JADE3: variants seen among roughly 807,000 people sequenced by gnomAD.
JADE3 encodes the protein jade family PHD finger 3.
In JADE3, 2 loss-of-function variants were observed where a neutral mutation model predicts 50.1. The ratio of observed to expected loss-of-function variants is 0.04; its 90% CI spans 0.02 to 0.13. JADE3 has a LOEUF of 0.13. Among genes scored for constraint, JADE3 ranks in the 10% least tolerant of loss-of-function variants. JADE3 has a pLI of 1.00. For missense variants in JADE3, 475 were observed against 634.4 expected, an observed-to-expected ratio of 0.75 and a Z score of 2.70; for synonymous variants, 218 against 232.9, an observed-to-expected ratio of 0.94 and a Z score of 0.58.
chrX:46,936,389 A>G (rs1926625232), intron 1 of JADE3, among the ~76,000 whole-genome samples: 1 of 111,458 alleles, frequency 9.0e-6, no homozygotes, highest in Admixed American at 9.5e-5. Context: ...TAGATTTGCT[A>G]ATATTTTGTT....
chrX:47,023,407 C>T (rs1431856420), intron 4 of JADE3, among the ~76,000 whole-genome samples: 1 of 111,425 alleles, frequency 9.0e-6, no homozygotes, highest in East Asian at 2.8e-4. Flanking sequence ...AGGATAATGG[C>T]TTCCAACTCC....
chrX:47,000,606 G>A (rs782217887), intron 4 of JADE3, among the ~76,000 whole-genome samples: 3 of 111,671 alleles, frequency 2.7e-5, no homozygotes, highest in Non-Finnish European at 5.6e-5. Flanking sequence ...AGGCTGGAGT[G>A]CAGTGGCATG....
At chrX:46,953,843 T>C (rs1167227699) in intron 1 of JADE3, among the ~76,000 whole-genome samples, 2 of 111,880 alleles carry the variant, frequency 1.8e-5, no homozygotes, top group Non-Finnish European at 3.8e-5. Flanking sequence ...CTCTCTGTCG[T>C]AGTCTCTTGC....
At chrX:46,984,597 C>A (rs781875620) in intron 1 of JADE3, among the ~76,000 whole-genome samples, 26 of 111,821 alleles carry the variant, frequency 2.3e-4, no homozygotes, top group Non-Finnish European at 3.4e-4. Context: ...GGACAGTGGC[C>A]ATGTGGCCAC....
intron 1 of JADE3, among the ~76,000 whole-genome samples, chrX:46,927,617 C>T (rs188076532): frequency 8.9e-6 from 1 of 112,259 alleles, no homozygotes; most frequent in East Asian, 2.8e-4. Flanking sequence ...AATCAGTGAA[C>T]ACTTATTGAG....
intron 7 of JADE3, among the ~76,000 whole-genome samples, chrX:47,034,602 A>G (rs1929092995): frequency 9.3e-6 from 1 of 107,762 alleles, no homozygotes; most frequent in Non-Finnish European, 1.9e-5. Flanking sequence ...ATTTTTATTT[A>G]TTTTATTTTA....
At chrX:47,023,577 G>A (rs1438656526) in intron 4 of JADE3, among the ~76,000 whole-genome samples, 1 of 111,764 alleles carries the variant, frequency 8.9e-6, no homozygotes, top group Non-Finnish European at 1.9e-5. Context: ...TTTAATGATT[G>A]TTATCCTTAC....
chrX:46,915,416 G>A (rs1356260735), intron 1 of JADE3, among the ~76,000 whole-genome samples: 1 of 112,214 alleles, frequency 8.9e-6, no homozygotes, highest in African/African-American at 3.2e-5. Flanking sequence ...AGAAGTGAGT[G>A]TTAGGTGACA....
At chrX:46,913,445 G>A (rs1210696365) in intron 1 of JADE3, among the ~76,000 whole-genome samples, 2 of 111,606 alleles carry the variant, frequency 1.8e-5, no homozygotes, top group Non-Finnish European at 3.8e-5. Context: ...AATCGTGAGG[G>A]CTTTGCTAGT....
intron 1 of JADE3, among the ~76,000 whole-genome samples, chrX:46,954,802 A>C (rs201733812): frequency 5.4e-5 from 6 of 111,680 alleles, no homozygotes; most frequent in Non-Finnish European, 1.1e-4. Flanking sequence ...TGATCTGCCC[A>C]CCTTGGCCTC....
chrX:47,054,541 T>C lies in JADE3; in HGVS notation c.1356T>C (p.Asp452=). 1.7e-6 allele frequency: 2 copies of C among 1,209,193 alleles called. No individual in the cohort carries two copies. The highest frequency in any genetic ancestry group is 2.2e-6 in the Non-Finnish European group (2 of 893,375). ...AGCCATTATTTCCTCCAAAGGAGGA[T>C]GAAGAAAATGGGCTGGTGCAGCCAA... ...FNKPLFPPKE[D]EENGLVQPKE... Residue 452 remains aspartate, a synonymous_variant, in exon 9 of 11, where the codon GAT becomes GAC. Coordinates refer to ENST00000614628, the MANE Select transcript of JADE3 (RefSeq NM_014735.5).
At chrX:46,920,138 T>C (rs1556337387) in intron 1 of JADE3, among the ~76,000 whole-genome samples, 1 of 111,890 alleles carries the variant, frequency 8.9e-6, no homozygotes, top group East Asian at 2.8e-4. Context: ...AAAAGTTAAA[T>C]ACATTTTTTA....
chrX:47,058,489 G>T lies in JADE3; in HGVS notation c.1884G>T (p.Ser628=), dbSNP rs781813849. The T allele has an allele frequency of 1.7e-6, 2 of 1,209,434 alleles. No individual in the cohort carries two copies. Among genetic ancestry groups the T allele is most frequent in the Non-Finnish European group, 2.2e-6 (2 of 894,896 alleles). The change falls in exon 11 of 11, where the codon TCG becomes TCT. Residue 628 remains serine, a synonymous_variant. Coordinates refer to ENST00000614628, the MANE Select transcript of JADE3 (RefSeq NM_014735.5). ...ESSPAWRTPS[S]ECYHGQSLGK... is the part of the protein sequence containing the mutation. ...GTCCTGCTTGGAGAACCCCGTCCTCGGAGTGCTATCATGGGCAGTCACTGG... is the reference window on the plus strand; with the variant it reads ...GTCCTGCTTGGAGAACCCCGTCCTCTGAGTGCTATCATGGGCAGTCACTGG...
chrX:46,980,189 A>T (rs1193323199), intron 1 of JADE3, among the ~76,000 whole-genome samples: 1 of 110,844 alleles, frequency 9.0e-6, no homozygotes, highest in Non-Finnish European at 1.9e-5. Context: ...CCATCTCTTG[A>T]TTTTTAATTA....
chrX:47,040,972 C>G (rs1179853018), intron 8 of JADE3, among the ~76,000 whole-genome samples: 1 of 111,342 alleles, frequency 9.0e-6, no homozygotes, highest in Non-Finnish European at 1.9e-5. Flanking sequence ...TTTTTTTTAA[C>G]CTTTCTTGGA....
intron 3 of JADE3, among the ~76,000 whole-genome samples, chrX:46,995,896 T>G (rs1334587429): frequency 8.9e-6 from 1 of 112,156 alleles, no homozygotes; most frequent in Non-Finnish European, 1.9e-5. Context: ...AAAATTGAAA[T>G]CAGGCTTATC....
intron 4 of JADE3, among the ~76,000 whole-genome samples, chrX:47,000,640 C>T (rs1007704666): frequency 4.5e-5 from 5 of 111,372 alleles, no homozygotes; most frequent in African/African-American, 1.6e-4. Flanking sequence ...GCAACCTCCG[C>T]CTCCTGAGTT....
intron 8 of JADE3, among the ~76,000 whole-genome samples, chrX:47,042,408 C>A (rs1250858877): frequency 2.7e-5 from 3 of 111,368 alleles, no homozygotes; most frequent in African/African-American, 9.8e-5. Context: ...ATACCCGAAT[C>A]TAGTAGACAG....
intron 1 of JADE3, among the ~76,000 whole-genome samples, chrX:46,930,955 C>T (rs1926477312): frequency 9.0e-6 from 1 of 111,492 alleles, no homozygotes. Flanking sequence ...TTAGGAGGAA[C>T]CTTAGAAATT....
Sources: gnomAD v4.1 joint callset for allele counts (sites outside exome capture counted in the v4.1 genomes callset) on GRCh38, gnomAD v4.1.1 for gene constraint, MANE v1.5 for transcripts, NCBI Gene and HGNC (gene_info 2026-07-23, HGNC 2026-07-21) for gene names.